The following ST6GALNAC5 variants were observed in gnomAD, a reference collection of about 807,000 sequenced individuals.
ST6GALNAC5 encodes the protein ST6 N-acetylgalactosaminide alpha-2,6-sialyltransferase 5, also known as alpha-N-acetylgalactosaminide alpha-2,6-sialyltransferase 5.
A neutral mutation model predicts 33.6 loss-of-function variants in ST6GALNAC5; 27 were observed. The ratio of observed to expected loss-of-function variants is 0.80; its 90% CI spans 0.59 to 1.11. The LOEUF (loss-of-function observed/expected upper bound fraction) is 1.11, where lower values mean the gene tolerates loss of function less well. ST6GALNAC5 is among the 50% of genes least tolerant of loss of function. The pLI, the probability that ST6GALNAC5 is intolerant of heterozygous loss-of-function variation, is 0.00. For synonymous variants in ST6GALNAC5, 194 were observed against 171.2 expected (o/e 1.13, Z -1.04); for missense variants, 428 against 454.0 (o/e 0.94, Z 0.52).
At chr1:76,872,460 TG>T (rs751650401) in intron 2 of ST6GALNAC5, among the ~76,000 whole-genome samples, 20 of 152,192 alleles carry the variant, frequency 1.3e-4, no homozygotes, top group Non-Finnish European at 2.8e-4. Flanking sequence ...TACTTGTCCT[TG>T]GTTCTTTCCA....
rs139782150 is a variant in ST6GALNAC5 at position 76,969,882 on chromosome 1, C to T, written c.262-74322C>T. On this transcript the variant is annotated intron_variant, in intron 2 of 4. Coordinates refer to ENST00000477717, the MANE Select transcript of ST6GALNAC5 (RefSeq NM_030965.3). Reference sequence around the variant, plus strand: ...TTCTGCAATATTTGCTGTTCTGCAGCCTCTGCTGGTAATACCTAGGCAAAC... The same window carrying T: ...TTCTGCAATATTTGCTGTTCTGCAGTCTCTGCTGGTAATACCTAGGCAAAC... Among the ~76,000 whole-genome samples, 820 of 152,234 alleles carry T rather than the reference C, an allele frequency of 5.4e-3. 10 individuals are homozygous for T. The highest frequency in any genetic ancestry group is 0.019 in the African/African-American group (788 of 41,536).
chr1:76,923,550 A>G (rs1647055474), intron 2 of ST6GALNAC5, among the ~76,000 whole-genome samples: 2 of 151,918 alleles, frequency 1.3e-5, no homozygotes, highest in African/African-American at 2.4e-5. Context: ...AAAATTAGCC[A>G]GGTGTGGCGG....
At chr1:77,037,740 A>T (rs1288898874) in intron 2 of ST6GALNAC5, among the ~76,000 whole-genome samples, 2 of 152,150 alleles carry the variant, frequency 1.3e-5, no homozygotes, top group African/African-American at 4.8e-5. Flanking sequence ...AAGTGAACTT[A>T]AGAGCTAAGA....
chr1:76,907,276 T>C (rs866201398), intron 2 of ST6GALNAC5, among the ~76,000 whole-genome samples: 1 of 152,140 alleles, frequency 6.6e-6, no homozygotes, highest in Non-Finnish European at 1.5e-5. Flanking sequence ...TAAGATTCTA[T>C]ATACTCTGAT....
intron 2 of ST6GALNAC5, among the ~76,000 whole-genome samples, chr1:76,980,657 C>G (rs969065951): frequency 6.6e-6 from 1 of 152,134 alleles, no homozygotes; most frequent in Admixed American, 6.5e-5. Context: ...ACCTGGACAA[C>G]TGCATATCCA....
At chr1:76,957,870 A>G (rs1648069445) in intron 2 of ST6GALNAC5, among the ~76,000 whole-genome samples, 1 of 152,152 alleles carries the variant, frequency 6.6e-6, no homozygotes, top group African/African-American at 2.4e-5. Flanking sequence ...AAGATTGAAT[A>G]AAGGATCAAA....
rs561163604 is a variant in ST6GALNAC5, at chr1:77,027,531, G to C, written c.262-16673G>C. 2.0e-5 allele frequency among the ~76,000 whole-genome samples: 3 copies of C among 152,338 alleles called. No homozygotes were observed. The East Asian group carries it at 5.8e-4, about 29-fold the overall frequency. On this transcript the variant is annotated intron_variant, in intron 2 of 4. Coordinates refer to ENST00000477717, the MANE Select transcript of ST6GALNAC5 (RefSeq NM_030965.3). ...GTTGGAGTAATTCAGGGCAGAGATG[G>C]TGGAGGGCTGGACTGAGGAGCACAA...
intron 4 of ST6GALNAC5, among the ~76,000 whole-genome samples, chr1:77,053,312 G>C (rs1318803707): frequency 6.6e-6 from 1 of 152,172 alleles, no homozygotes; most frequent in African/African-American, 2.4e-5. Flanking sequence ...TTGTGTGGTG[G>C]CAGAGCTCAC....
intron 2 of ST6GALNAC5, among the ~76,000 whole-genome samples, chr1:76,895,879 T>C (rs1297751535): frequency 1.3e-5 from 2 of 152,188 alleles, no homozygotes; most frequent in African/African-American, 2.4e-5. Context: ...GGAGCTCAAA[T>C]GGGCTGTACG....
chr1:76,934,860 G>T (rs111816861), intron 2 of ST6GALNAC5, among the ~76,000 whole-genome samples: 1 of 151,986 alleles, frequency 6.6e-6, no homozygotes, highest in Admixed American at 6.6e-5. Context: ...CTTCAATGAC[G>T]ATGTGCAAAT....
chr1:76,888,999 G>T (rs1436069115), intron 2 of ST6GALNAC5, among the ~76,000 whole-genome samples: 1 of 151,824 alleles, frequency 6.6e-6, no homozygotes, highest in Non-Finnish European at 1.5e-5. Context: ...ATGTACAATA[G>T]GTCTCTTGAA....
chr1:76,976,439 C>T (rs992778088), intron 2 of ST6GALNAC5, among the ~76,000 whole-genome samples: 1 of 151,988 alleles, frequency 6.6e-6, no homozygotes, highest in African/African-American at 2.4e-5. Context: ...ATAAAAAGAA[C>T]TTGAAGATTT....
At chr1:76,934,555 A>G (rs560994815) in intron 2 of ST6GALNAC5, among the ~76,000 whole-genome samples, 1 of 151,984 alleles carries the variant, frequency 6.6e-6, no homozygotes, top group Non-Finnish European at 1.5e-5. Flanking sequence ...CTGCGATAAA[A>G]TCCCCGTTTT....
At chr1:76,964,426 G>A (rs1648371808) in intron 2 of ST6GALNAC5, among the ~76,000 whole-genome samples, 1 of 151,982 alleles carries the variant, frequency 6.6e-6, no homozygotes, top group Non-Finnish European at 1.5e-5. Context: ...AATTCTAAAT[G>A]GCCCCTTTTC....
chr1:76,943,504 A>G (rs868430272), intron 2 of ST6GALNAC5, among the ~76,000 whole-genome samples: 19 of 152,100 alleles, frequency 1.2e-4, no homozygotes, highest in Admixed American at 2.6e-4. Context: ...TAAAAATTAA[A>G]GTGTGGGGGT....
rs140774709 is a variant in ST6GALNAC5, at chr1:77,033,135, G to A, written c.262-11069G>A. 7.4e-4 allele frequency among the ~76,000 whole-genome samples: 113 copies of A among 152,298 alleles called. 1 individual carries two copies. Among genetic ancestry groups the A allele is most frequent in the African/African-American group, 2.6e-3 (106 of 41,546 alleles). On this transcript the variant is annotated intron_variant, in intron 2 of 4. Transcript: ENST00000477717. ...TGAAGGCACTGAGGTGAGCCAGTGC[G>A]TAACATCAACCAATGTACTAGCATT... is the stretch of plus-strand genomic sequence containing the variant.
At chr1:77,015,613 A>G (rs1650801689) in intron 2 of ST6GALNAC5, among the ~76,000 whole-genome samples, 1 of 152,158 alleles carries the variant, frequency 6.6e-6, no homozygotes, top group Admixed American at 6.5e-5. Flanking sequence ...GGCAAAAATG[A>G]TACAAGGTGG....
At chr1:77,005,953 G>T (rs1650395246) in intron 2 of ST6GALNAC5, among the ~76,000 whole-genome samples, 1 of 152,120 alleles carries the variant, frequency 6.6e-6, no homozygotes, top group African/African-American at 2.4e-5. Context: ...TCCATTGATG[G>T]GCATTTGGGT....
chr1:77,058,419 G>A (rs551347662), intron 4 of ST6GALNAC5, among the ~76,000 whole-genome samples: 9 of 152,300 alleles, frequency 5.9e-5, no homozygotes, highest in Non-Finnish European at 8.8e-5. Context: ...CCTGGGGCGG[G>A]GCATGAGTGA....
Sources: allele counts gnomAD v4.1 joint callset (sites outside exome capture counted in the v4.1 genomes callset), GRCh38; gene constraint gnomAD v4.1.1; transcripts MANE v1.5; gene names NCBI Gene and HGNC (gene_info 2026-07-23, HGNC 2026-07-21).